Variants in KLHL3 observed in about 807,000 individuals in gnomAD.
KLHL3 encodes kelch like family member 3.
Under a neutral mutation model 70.5 loss-of-function variants are expected in KLHL3, and 19 were observed. That is an observed-to-expected ratio of 0.27 (90% CI 0.19 to 0.40). The LOEUF is 0.40. KLHL3 is among the 10% of genes least tolerant of loss of function. The pLI, the probability that KLHL3 is intolerant of heterozygous loss-of-function variation, is 1.00. For synonymous variants in KLHL3, 258 were observed against 290.3 expected, an observed-to-expected ratio of 0.89 and a Z score of 1.13; for missense variants, 512 against 771.1, an observed-to-expected ratio of 0.66 and a Z score of 3.98.
intron 6 of KLHL3, among the ~76,000 whole-genome samples, chr5:137,665,805 T>C (rs996439058): frequency 2.0e-5 from 3 of 151,724 alleles, no homozygotes; most frequent in Admixed American, 1.3e-4. Flanking sequence ...TTTCTAATTA[T>C]ATACTTAAGT....
At chr5:137,627,488 C>T (rs10477801) in intron 13 of KLHL3, among the ~76,000 whole-genome samples, 3 of 92,400 alleles carry the variant, frequency 3.2e-5, no homozygotes, top group Admixed American at 1.2e-4. Flanking sequence ...CCCCCCCCCC[C>T]GGTTTACACT....
At chr5:137,688,308 C>T (rs185213063) in intron 5 of KLHL3, among the ~76,000 whole-genome samples, 28 of 152,280 alleles carry the variant, frequency 1.8e-4, no homozygotes, top group Admixed American at 1.8e-3. Flanking sequence ...GACTCTCAGC[C>T]TGAAGATCAT....
chr5:137,684,893 A>G (rs2149912316), intron 5 of KLHL3, among the ~76,000 whole-genome samples: 1 of 152,328 alleles, frequency 6.6e-6, no homozygotes, highest in Non-Finnish European at 1.5e-5. Flanking sequence ...AGAATAACAT[A>G]TATCATAGCA....
intron 6 of KLHL3, among the ~76,000 whole-genome samples, chr5:137,662,704 C>T (rs1451902578): frequency 6.6e-6 from 1 of 152,168 alleles, no homozygotes; most frequent in Non-Finnish European, 1.5e-5. Flanking sequence ...CCCTGTGCCA[C>T]CACATACACA....
At chr5:137,729,454 A>G (rs556647087) in intron 1 of KLHL3, among the ~76,000 whole-genome samples, 36 of 152,252 alleles carry the variant, frequency 2.4e-4, no homozygotes, top group Non-Finnish European at 2.2e-4. Context: ...TGGAGTTTGA[A>G]GTCTGTAAAT....
chr5:137,696,239 G>A (rs577348567), intron 4 of KLHL3, among the ~76,000 whole-genome samples: 6 of 152,386 alleles, frequency 3.9e-5, no homozygotes, highest in East Asian at 3.9e-4. Context: ...ATCAGCCAGG[G>A]GGCGCAGGTG....
At chr5:137,692,582 A>T in intron 4 of KLHL3, 135 bp from the exon 5 acceptor site, 1 of 778,008 alleles carries the variant, frequency 1.3e-6, no homozygotes, top group Non-Finnish European at 2.1e-6. Flanking sequence ...CAAACTTCCT[A>T]GCCTGCTTTC....
chr5:137,687,003 C>T, intron 5 of KLHL3, among the ~76,000 whole-genome samples: 1 of 86,142 alleles, frequency 1.2e-5, no homozygotes, highest in African/African-American at 4.2e-5. Context: ...GGCCAGCCGC[C>T]CCATCCGGGA....
intron 4 of KLHL3, among the ~76,000 whole-genome samples, chr5:137,693,473 G>A (rs976071206): frequency 6.6e-6 from 1 of 152,020 alleles, no homozygotes; most frequent in Non-Finnish European, 1.5e-5. Flanking sequence ...TTTTCCCTAG[G>A]ACTTTCCCTC....
At chr5:137,625,595 A>C (rs1167345648) in intron 14 of KLHL3, among the ~76,000 whole-genome samples, 158 bp downstream of exon 14, 1 of 152,156 alleles carries the variant, frequency 6.6e-6, no homozygotes, top group Non-Finnish European at 1.5e-5. Context: ...AGAATGAAGG[A>C]GTGGTGGCCA....
intron 1 of KLHL3, among the ~76,000 whole-genome samples, chr5:137,724,692 C>T (rs961296663): frequency 6.6e-6 from 1 of 152,212 alleles, no homozygotes; most frequent in African/African-American, 2.4e-5. Context: ...AGGTTCCTTT[C>T]TTCCCCTGCT....
chr5:137,668,720 T>C (rs553377777), intron 6 of KLHL3, among the ~76,000 whole-genome samples: 98 of 152,322 alleles, frequency 6.4e-4, no homozygotes, highest in African/African-American at 2.1e-3. Flanking sequence ...CAGGGACAAC[T>C]GGGAGCAGTG....
intron 13 of KLHL3, among the ~76,000 whole-genome samples, chr5:137,627,238 G>A (rs578227103): frequency 6.6e-6 from 1 of 152,126 alleles, no homozygotes; most frequent in Admixed American, 6.5e-5. Context: ...TGTAAAGTGA[G>A]TTTTTTTAAA....
intron 8 of KLHL3, among the ~76,000 whole-genome samples, chr5:137,648,074 T>C (rs987365559): frequency 1.3e-5 from 2 of 152,240 alleles, no homozygotes; most frequent in African/African-American, 4.8e-5. Context: ...ATTATTAGCT[T>C]CTAAGGCAGG....
chr5:137,647,227 A>G (rs1465988629), intron 8 of KLHL3, among the ~76,000 whole-genome samples: 1 of 152,224 alleles, frequency 6.6e-6, no homozygotes. Flanking sequence ...TTAAAAATAA[A>G]TATATAATGC....
Position 137,658,170 on chromosome 5 carries a change from G to A in KLHL3, c.864C>T (p.Asn288=), listed in dbSNP as rs760993516. Residue 288 remains asparagine (N), a synonymous_variant, in exon 8 of 15, where the codon AAC becomes AAT. Transcript: ENST00000309755. Reference sequence around the variant, plus strand: ...CTGGAGTCCTGGGCTTGGTCCTTGGGTTCTTAATCAATAGTCTCTGATCCA... The same window carrying A: ...CTGGAGTCCTGGGCTTGGTCCTTGGATTCTTAATCAATAGTCTCTGATCCA... ...LPLDQRLLIK[N]PRTKPRTPVS... 1 of 1,613,954 alleles carries A rather than the reference G, an allele frequency of 6.2e-7. No individual in the cohort carries two copies. The highest frequency in any genetic ancestry group is 8.5e-7 in the Non-Finnish European group (1 of 1,179,948).
chr5:137,717,809 T>C (rs1036353461), intron 2 of KLHL3, among the ~76,000 whole-genome samples: 1 of 152,174 alleles, frequency 6.6e-6, no homozygotes, highest in Non-Finnish European at 1.5e-5. Context: ...TAAACCTGAA[T>C]TAAAATTTTC....
At chr5:137,713,062 A>G (rs1362227957) in intron 2 of KLHL3, among the ~76,000 whole-genome samples, 1 of 151,742 alleles carries the variant, frequency 6.6e-6, no homozygotes, top group Non-Finnish European at 1.5e-5. Context: ...CACTGGACAC[A>G]TAAGTAAGGT....
intron 2 of KLHL3, among the ~76,000 whole-genome samples, chr5:137,713,153 CAAAAA>C (rs958291877): frequency 2.6e-5 from 1 of 38,440 alleles, no homozygotes; most frequent in Non-Finnish European, 5.4e-5. Flanking sequence ...GAATAACCAG[CAAAAA>C]AAAAAAAAAA....
Sources: allele counts gnomAD v4.1 joint callset (sites outside exome capture counted in the v4.1 genomes callset), GRCh38; gene constraint gnomAD v4.1.1; transcripts MANE v1.5; gene names NCBI Gene and HGNC (gene_info 2026-07-23, HGNC 2026-07-21).